The following WBP2NL variants were observed in gnomAD, a reference collection of about 807,000 sequenced individuals.
WBP2NL encodes postacrosomal sheath WW domain-binding protein.
In WBP2NL, 27 loss-of-function variants were observed where a neutral mutation model predicts 23.3. The ratio of observed to expected loss-of-function variants is 1.16; its 90% CI spans 0.85 to 1.60. The LOEUF (loss-of-function observed/expected upper bound fraction) is 1.60, where lower values mean the gene tolerates loss of function less well. Among genes scored for constraint, WBP2NL ranks in the 40% most tolerant of loss-of-function variants. The pLI is 0.00. For synonymous variants in WBP2NL, 151 were observed against 145.9 expected (o/e 1.03, Z -0.25); for missense variants, 370 against 389.5 (o/e 0.95, Z 0.42).
intron 1 of WBP2NL, among the ~76,000 whole-genome samples, chr22:42,005,920 G>A (rs1252663388): frequency 2.0e-5 from 3 of 152,190 alleles, no homozygotes; most frequent in Non-Finnish European, 4.4e-5. Context: ...CAAAGCAAAA[G>A]TGAACAGACA....
downstream of WBP2NL, among the ~76,000 whole-genome samples, chr22:42,028,806 G>A (rs1240125901): frequency 6.6e-6 from 1 of 152,216 alleles, no homozygotes; most frequent in Non-Finnish European, 1.5e-5. Flanking sequence ...TTATAAACAT[G>A]CTTCACCTAC....
chr22:42,052,732 C>T (rs1743670888), intron 8 of WBP2NL, among the ~76,000 whole-genome samples: 1 of 152,208 alleles, frequency 6.6e-6, no homozygotes, highest in African/African-American at 2.4e-5. Flanking sequence ...TTGGCAGCCC[C>T]TCCCAATGGT....
chr22:42,039,162 C>G (rs540240575), intron 8 of WBP2NL, among the ~76,000 whole-genome samples: 1 of 151,650 alleles, frequency 6.6e-6, no homozygotes, highest in African/African-American at 2.4e-5. Flanking sequence ...ATTTCCGTCT[C>G]CTGGGTTCAA....
chr22:42,030,429 T>C (rs1924865484), downstream of WBP2NL: 1 of 152,226 alleles, frequency 6.6e-6, no homozygotes, highest in African/African-American at 2.4e-5. Flanking sequence ...ATAAAATATA[T>C]AGAAAGTAGC....
chr22:42,023,442 G>T (rs528389356), intron 5 of WBP2NL, among the ~76,000 whole-genome samples: 1 of 152,026 alleles, frequency 6.6e-6, no homozygotes. Flanking sequence ...CCATCTGCCC[G>T]CCTTGCCCTC....
At chr22:42,019,518 G>A (rs368254207) in intron 2 of WBP2NL, 99 bp downstream of exon 2, 4 of 1,537,572 alleles carry the variant, frequency 2.6e-6, no homozygotes, top group East Asian at 2.3e-5. Context: ...GTTTTTAAAC[G>A]TGCGCTTTGG....
At chr22:42,023,961 A>G (rs1481320209) in intron 5 of WBP2NL, among the ~76,000 whole-genome samples, 2 of 152,178 alleles carry the variant, frequency 1.3e-5, no homozygotes, top group Non-Finnish European at 2.9e-5. Context: ...AAAACTTTTT[A>G]TCACCTAATA....
chr22:42,052,651 T>C (rs1480096503), intron 8 of WBP2NL, among the ~76,000 whole-genome samples: 1 of 152,102 alleles, frequency 6.6e-6, no homozygotes, highest in Non-Finnish European at 1.5e-5. Flanking sequence ...AGTGGCAAAA[T>C]AGGTACTTTT....
chr22:42,001,693 T>C lies in WBP2NL; in HGVS notation c.62+2813T>C, dbSNP rs112877433. The C allele has an allele frequency of 2.5e-3, 3,016 of 1,224,604 alleles. 9 individuals are homozygous for C. Among genetic ancestry groups the C allele is most frequent in the Middle Eastern group, 0.011 (43 of 3,984 alleles). 75.9% of individuals were successfully genotyped at this position (1,224,604 alleles called of 1,614,324 possible). ...CCAGGAAGATCTGCTTGTATTTATC[T>C]TTGAAGGTGAAGTTAAGAGCCTGGG... On this transcript the variant is annotated intron_variant, in intron 1 of 5. Coordinates refer to ENST00000328823, the MANE Select transcript of WBP2NL (RefSeq NM_152613.3).
chr22:42,054,879 C>T (rs948399710), intron 8 of WBP2NL, among the ~76,000 whole-genome samples: 8 of 151,960 alleles, frequency 5.3e-5, no homozygotes, highest in Non-Finnish European at 1.0e-4. Context: ...CAGAGTGAGA[C>T]CTGGTGTCTA....
chr22:42,000,146 G>A (rs133306), intron 1 of WBP2NL, among the ~76,000 whole-genome samples: 65,139 of 152,064 alleles, frequency 0.43, 15,069 homozygotes, highest in East Asian at 0.85. Flanking sequence ...AGCACACTCA[G>A]GTCAGTTTGA....
intron 5 of WBP2NL, among the ~76,000 whole-genome samples, chr22:42,025,231 C>T (rs1349853877): frequency 6.6e-6 from 1 of 152,212 alleles, no homozygotes; most frequent in East Asian, 1.9e-4. Flanking sequence ...CTGTTTTCTT[C>T]TAAGCATTTT....
At position 42,027,564 on chromosome 22, in the gene WBP2NL, C is replaced by A; in HGVS notation, c.*383C>A. 1 of 260,804 alleles carries A rather than the reference C, an allele frequency of 3.8e-6. No homozygotes were observed. Among genetic ancestry groups the A allele is most frequent in the Non-Finnish European group, 7.2e-6 (1 of 138,070 alleles). 16.2% of individuals were successfully genotyped at this position (260,804 alleles called of 1,614,324 possible). ...GCACTAAGATGCGTGCTAAAAACGT[C>A]ATGTTGAACACTTAGTTGTTTGAGA... On this transcript the variant is annotated 3_prime_UTR_variant, in exon 6 of 6. Transcript: ENST00000328823.
At chr22:42,005,078 G>A (rs759696816) in intron 1 of WBP2NL, among the ~76,000 whole-genome samples, 9 of 151,916 alleles carry the variant, frequency 5.9e-5, no homozygotes, top group South Asian at 2.1e-4. Context: ...TTAGCCAGGC[G>A]TGGTGGTGCG....
rs774619646 is a variant in WBP2NL, at chr22:42,026,976, C to T, written c.725C>T (p.Pro242Leu). The change falls in exon 6 of 6, where the codon CCT becomes CTT. Residue 242 changes from proline to leucine, a missense_variant. Coordinates refer to ENST00000328823, the MANE Select transcript of WBP2NL (RefSeq NM_152613.3). ...CCACCTCTAGGATATGGAGCCCCAC[C>T]TCTTGGATATGGAACCCCACCTCTC... ...GAPPLGYGAP[P>L]LGYGTPPLGY... 1 of 1,612,730 alleles carries T rather than the reference C, an allele frequency of 6.2e-7. No individual in the cohort carries two copies. Among genetic ancestry groups the T allele is most frequent in the South Asian group, 1.1e-5 (1 of 91,000 alleles).
chr22:42,017,903 CT>C (rs1923462214), intron 1 of WBP2NL, among the ~76,000 whole-genome samples: 2 of 152,020 alleles, frequency 1.3e-5, no homozygotes, highest in Admixed American at 6.6e-5. Flanking sequence ...AATCCCAGCA[CT>C]TTGGGAGGTC....
chr22:42,013,127 C>T (rs945715784), intron 1 of WBP2NL, among the ~76,000 whole-genome samples: 11 of 151,908 alleles, frequency 7.2e-5, no homozygotes, highest in African/African-American at 2.7e-4. Flanking sequence ...AATCCCAGCA[C>T]TTTGGGAGCC....
At chr22:42,001,654 C>A (rs1287940717) in intron 1 of WBP2NL, 2 of 1,190,442 alleles carry the variant, frequency 1.7e-6, no homozygotes, top group Admixed American at 1.7e-5. Flanking sequence ...ACTGGGATCT[C>A]TTGTCCACAC....
intron 1 of WBP2NL, among the ~76,000 whole-genome samples, chr22:42,014,941 G>A (rs1923170300): frequency 6.6e-6 from 1 of 152,066 alleles, no homozygotes; most frequent in Non-Finnish European, 1.5e-5. Context: ...TTAAAGTGTT[G>A]TCTGATAAAT....
Sources: gnomAD v4.1 joint callset for allele counts (sites outside exome capture counted in the v4.1 genomes callset) on GRCh38, gnomAD v4.1.1 for gene constraint, MANE v1.5 for transcripts, NCBI Gene and HGNC (gene_info 2026-07-23, HGNC 2026-07-21) for gene names.